PCP4: variants seen among roughly 807,000 people sequenced by gnomAD.
PCP4 encodes Purkinje cell protein 4.
A neutral mutation model predicts 10.0 loss-of-function variants in PCP4; 8 were observed. The observed-to-expected ratio is 0.80, with a 90% CI of 0.47 to 1.45. PCP4 has a LOEUF of 1.45. PCP4 is among the 40% of genes most tolerant of loss of function. PCP4 has a pLI of 0.00. For missense variants in PCP4, 54 were observed against 74.4 expected (o/e 0.73, Z 1.01); for synonymous variants, 21 against 23.0 (o/e 0.91, Z 0.24).
In PCP4 at chr21:39,923,958, G is replaced by A. The variant is rs185010933; in HGVS notation, c.62-5026G>A. Among the ~76,000 whole-genome samples, 7 of 152,336 alleles carry A rather than the reference G, an allele frequency of 4.6e-5. No homozygotes were observed. The East Asian group carries it at 1.4e-3, about 29-fold the overall frequency. The stretch of plus-strand genomic sequence containing the variant: ...GGACTGTATCGGTCGGCAGTGGGAA[G>A]TCTCTCTTTTGAACAAATTTTAAGG... On this transcript the variant is annotated intron_variant, in intron 2 of 2. Coordinates refer to ENST00000328619, the MANE Select transcript of PCP4 (RefSeq NM_006198.3).
intron 2 of PCP4, among the ~76,000 whole-genome samples, chr21:39,922,117 G>A (rs148273854): frequency 6.6e-6 from 1 of 152,258 alleles, no homozygotes; most frequent in Non-Finnish European, 1.5e-5. Flanking sequence ...CTCCCAAAGT[G>A]CTAGGATTAC....
At chr21:39,918,317 T>G (rs940634456) in intron 2 of PCP4, among the ~76,000 whole-genome samples, 1 of 152,214 alleles carries the variant, frequency 6.6e-6, no homozygotes, top group Non-Finnish European at 1.5e-5. Context: ...AATTTGATTA[T>G]CTAGTTCCAC....
chr21:39,913,723 G>C (rs1295297239), intron 2 of PCP4, among the ~76,000 whole-genome samples: 1 of 152,202 alleles, frequency 6.6e-6, no homozygotes, highest in African/African-American at 2.4e-5. Flanking sequence ...TTGGACCTGG[G>C]AGGGACTTGA....
At chr21:39,874,912 G>A (rs1466408622) in intron 1 of PCP4, among the ~76,000 whole-genome samples, 1 of 152,196 alleles carries the variant, frequency 6.6e-6, no homozygotes. Flanking sequence ...CGGGCAGGTA[G>A]TGTAGACAGT....
chr21:39,909,717 A>T (rs574012874), intron 2 of PCP4, among the ~76,000 whole-genome samples: 1 of 152,136 alleles, frequency 6.6e-6, no homozygotes, highest in South Asian at 2.1e-4. Context: ...GGAACTTATG[A>T]TTATGTGAAG....
chr21:39,893,330 A>T (rs1363198462), intron 1 of PCP4, among the ~76,000 whole-genome samples: 1 of 152,008 alleles, frequency 6.6e-6, no homozygotes, highest in East Asian at 1.9e-4. Context: ...CTTTTTATGG[A>T]TACCGGGCAT....
intron 1 of PCP4, among the ~76,000 whole-genome samples, chr21:39,870,126 G>A (rs2087312870): frequency 1.3e-5 from 2 of 152,262 alleles, no homozygotes; most frequent in African/African-American, 4.8e-5. Context: ...TTAAGGGAAA[G>A]GTGGAGTGGC....
intron 2 of PCP4, among the ~76,000 whole-genome samples, chr21:39,913,111 G>A (rs7275590): frequency 4.1e-4 from 62 of 152,256 alleles, no homozygotes; most frequent in African/African-American, 1.4e-3. Flanking sequence ...TTTAATTTTA[G>A]TATCTTTTTA....
chr21:39,896,138 A>G (rs561622060), intron 1 of PCP4, among the ~76,000 whole-genome samples: 10 of 152,188 alleles, frequency 6.6e-5, no homozygotes, highest in African/African-American at 2.4e-4. Flanking sequence ...GGTTTCTAAA[A>G]AGTGATCTTT....
rs369313605 is a variant in PCP4 at position 39,887,356 on chromosome 21, GTT to G, written c.10-11108_10-11107del. Among the ~76,000 whole-genome samples, 5 of 144,336 alleles carry G rather than the reference GTT, an allele frequency of 3.5e-5. No homozygotes were observed. The South Asian group carries it at 6.5e-4, about 19-fold the overall frequency. 94.7% of individuals were successfully genotyped at this position (144,336 alleles called of 152,430 possible). ...TAACCAACTTTTTTTTTGTTTTTTG[GTT>G]TTTTTTTTTTTAAAAAACCTTCTAG... On this transcript the variant is annotated intron_variant, in intron 1 of 2. Coordinates refer to ENST00000328619, the MANE Select transcript of PCP4 (RefSeq NM_006198.3).
chr21:39,927,505 C>T (rs1165532738), intron 2 of PCP4, among the ~76,000 whole-genome samples: 1 of 152,142 alleles, frequency 6.6e-6, no homozygotes, highest in African/African-American at 2.4e-5. Flanking sequence ...CATTATTATG[C>T]AAAGTCCCTA....
intron 2 of PCP4, among the ~76,000 whole-genome samples, chr21:39,900,037 T>G (rs1568856337): frequency 1.3e-5 from 2 of 152,146 alleles, no homozygotes; most frequent in African/African-American, 2.4e-5. Context: ...TTGTCGTGAT[T>G]CTCAACTTTT....
At chr21:39,925,749 G>A (rs2276526) in intron 2 of PCP4, among the ~76,000 whole-genome samples, 48,291 of 151,992 alleles carry the variant, frequency 0.32, 8,120 homozygotes, top group Admixed American at 0.39. Context: ...GTGGGTCCCC[G>A]CCTCTGCCCG....
chr21:39,911,021 T>C (rs1474222772), intron 2 of PCP4, among the ~76,000 whole-genome samples: 2 of 136,130 alleles, frequency 1.5e-5, no homozygotes, highest in Non-Finnish European at 3.2e-5. Context: ...TCTGACTCTT[T>C]ATGATTCTGT....
intron 2 of PCP4, 67 bp from the exon 3 acceptor site, chr21:39,928,917 G>A: frequency 1.3e-6 from 2 of 1,542,480 alleles, no homozygotes; most frequent in East Asian, 4.6e-5. Flanking sequence ...CACTTATCTA[G>A]TGGGGCTGTC....
intron 2 of PCP4, among the ~76,000 whole-genome samples, chr21:39,917,394 C>T (rs2087574248): frequency 6.6e-6 from 1 of 152,204 alleles, no homozygotes; most frequent in Non-Finnish European, 1.5e-5. Context: ...CCTGCCTGGC[C>T]AGCCCTCACC....
chr21:39,920,264 G>A (rs1056316048), intron 2 of PCP4, among the ~76,000 whole-genome samples: 1 of 137,368 alleles, frequency 7.3e-6, no homozygotes, highest in Non-Finnish European at 1.6e-5. Context: ...GGTGTGGTGT[G>A]TGTGTGTGGT....
rs1026439036 is a variant in PCP4 at position 39,895,008 on chromosome 21, C to T, written c.10-3468C>T. Among the ~76,000 whole-genome samples the T allele has an allele frequency of 4.6e-5, 7 of 152,142 alleles. No homozygotes were observed. The East Asian group carries it at 7.7e-4, about 17-fold the overall frequency. ...TTGACCATCAACCCATCTACCCATC[C>T]GTCCACCCATTTATCTACTCATCTG... On this transcript the variant is annotated intron_variant, in intron 1 of 2. Transcript: ENST00000328619.
chr21:39,885,583 A>G (rs1039714490), intron 1 of PCP4, among the ~76,000 whole-genome samples: 5 of 152,230 alleles, frequency 3.3e-5, no homozygotes, highest in Admixed American at 2.0e-4. Flanking sequence ...TTTGGGGTTC[A>G]GGAGAGAATT....
Sources: allele counts gnomAD v4.1 joint callset (sites outside exome capture counted in the v4.1 genomes callset), GRCh38; gene constraint gnomAD v4.1.1; transcripts MANE v1.5; gene names NCBI Gene and HGNC (gene_info 2026-07-23, HGNC 2026-07-21).